EPHB1: variants seen among roughly 807,000 people sequenced by gnomAD.
EPHB1 encodes the protein ephrin type-B receptor 1.
EPHB1 carries 30 observed loss-of-function variants against 94.4 expected under a neutral mutation model. That is an observed-to-expected ratio of 0.32 (90% CI 0.24 to 0.43). The LOEUF (loss-of-function observed/expected upper bound fraction) is 0.43, where lower values mean the gene tolerates loss of function less well. Among genes scored for constraint, EPHB1 ranks in the 20% least tolerant of loss-of-function variants. The pLI is 1.00. For synonymous variants in EPHB1, 522 were observed against 489.1 expected (o/e 1.07, Z -0.89); for missense variants, 1,055 against 1,308.3 (o/e 0.81, Z 2.99).
chr3:134,839,115 A>G (rs1288909110), intron 1 of EPHB1, among the ~76,000 whole-genome samples: 1 of 152,178 alleles, frequency 6.6e-6, no homozygotes, highest in East Asian at 1.9e-4. Flanking sequence ...GACACAAAAT[A>G]TTGTTTCTAT....
chr3:135,224,107 G>T (rs1464314334), intron 12 of EPHB1, among the ~76,000 whole-genome samples: 1 of 152,140 alleles, frequency 6.6e-6, no homozygotes, highest in East Asian at 1.9e-4. Flanking sequence ...ATTCTTCATA[G>T]TACCATGCTA....
intron 1 of EPHB1, among the ~76,000 whole-genome samples, chr3:134,801,890 G>C (rs1453083972): frequency 6.6e-6 from 1 of 152,172 alleles, no homozygotes; most frequent in Non-Finnish European, 1.5e-5. Context: ...TCATTCCCCT[G>C]GGGGTTAGAA....
chr3:134,815,952 G>A (rs2036260302), intron 1 of EPHB1, among the ~76,000 whole-genome samples: 1 of 128,136 alleles, frequency 7.8e-6, no homozygotes, highest in Non-Finnish European at 1.7e-5. Flanking sequence ...GTTTTTTGGG[G>A]GGCATGGAAA....
intron 3 of EPHB1, among the ~76,000 whole-genome samples, chr3:135,002,294 G>A (rs1935213131): frequency 6.6e-6 from 1 of 152,224 alleles, no homozygotes. Context: ...TCCCAGGGAT[G>A]AAGCCCACTT....
intron 1 of EPHB1, among the ~76,000 whole-genome samples, chr3:134,798,480 T>TC (rs2035873586): frequency 1.3e-5 from 2 of 152,022 alleles, no homozygotes; most frequent in African/African-American, 2.4e-5. Context: ...TTCCCTCCTT[T>TC]CCCCCCACAC....
At chr3:135,039,390 AGGTG>A (rs1270634936) in intron 3 of EPHB1, among the ~76,000 whole-genome samples, 1 of 152,244 alleles carries the variant, frequency 6.6e-6, no homozygotes, top group Admixed American at 6.5e-5. Flanking sequence ...CTGGGGCTGC[AGGTG>A]GAGCTGCCTG....
At chr3:135,160,996 T>G (rs1941489403) in intron 6 of EPHB1, among the ~76,000 whole-genome samples, 1 of 151,882 alleles carries the variant, frequency 6.6e-6, no homozygotes, top group Admixed American at 6.6e-5. Context: ...TATTTAAGAG[T>G]TTTGCCTTTG....
intron 1 of EPHB1, among the ~76,000 whole-genome samples, chr3:134,847,494 C>G (rs2036897276): frequency 6.6e-6 from 1 of 152,234 alleles, no homozygotes; most frequent in Non-Finnish European, 1.5e-5. Context: ...AACCAAAGTC[C>G]TCTGTGGGAG....
chr3:134,850,574 G>A (rs1485171634), intron 1 of EPHB1, among the ~76,000 whole-genome samples: 1 of 152,256 alleles, frequency 6.6e-6, no homozygotes, highest in African/African-American at 2.4e-5. Flanking sequence ...GGATGGGGAA[G>A]TGTGGGGCAG....
chr3:134,809,556 C>T (rs1440051946), intron 1 of EPHB1, among the ~76,000 whole-genome samples: 1 of 152,168 alleles, frequency 6.6e-6, no homozygotes, highest in African/African-American at 2.4e-5. Flanking sequence ...ATTTGCATTT[C>T]AATGGTTCCT....
At chr3:135,164,495 C>T (rs1302094307) in intron 7 of EPHB1, among the ~76,000 whole-genome samples, 1 of 152,146 alleles carries the variant, frequency 6.6e-6, no homozygotes, top group Non-Finnish European at 1.5e-5. Flanking sequence ...ATTCTGATAG[C>T]TCATGGGAAA....
chr3:135,250,617 G>A (rs1349927878), intron 15 of EPHB1, among the ~76,000 whole-genome samples: 1 of 152,056 alleles, frequency 6.6e-6, no homozygotes, highest in East Asian at 1.9e-4. Context: ...GGGAACCACT[G>A]GATTAAGGTT....
intron 10 of EPHB1, among the ~76,000 whole-genome samples, chr3:135,192,335 T>TAAAACAAACTCACATATA (rs1553746551): frequency 6.6e-6 from 1 of 152,014 alleles, no homozygotes; most frequent in African/African-American, 2.4e-5. Flanking sequence ...AAATTCCACT[T>TAAAACAAACTCACATATA]TAGTTACCCA....
intron 9 of EPHB1, among the ~76,000 whole-genome samples, chr3:135,170,321 A>T (rs1941768921): frequency 6.6e-6 from 1 of 152,242 alleles, no homozygotes; most frequent in Non-Finnish European, 1.5e-5. Context: ...ATCTGATAAC[A>T]TAATGTGGCT....
At chr3:134,973,508 T>A (rs1934064894) in intron 3 of EPHB1, among the ~76,000 whole-genome samples, 1 of 143,676 alleles carries the variant, frequency 7.0e-6, no homozygotes, top group African/African-American at 2.6e-5. Flanking sequence ...CTTGGCTCAC[T>A]GCAACCTCCA....
At chr3:134,905,359 A>G (rs1055662899) in intron 1 of EPHB1, among the ~76,000 whole-genome samples, 7 of 152,074 alleles carry the variant, frequency 4.6e-5, no homozygotes, top group Non-Finnish European at 8.8e-5. Context: ...GAGTGTGCGC[A>G]CTGCAGCCAC....
intron 1 of EPHB1, among the ~76,000 whole-genome samples, chr3:134,883,152 G>A (rs889215306): frequency 6.6e-6 from 1 of 152,142 alleles, no homozygotes; most frequent in Admixed American, 6.5e-5. Context: ...GATTGAATGG[G>A]AATATGAAAG....
chr3:135,198,329 G>C (rs377203986), intron 11 of EPHB1, among the ~76,000 whole-genome samples: 1 of 152,194 alleles, frequency 6.6e-6, no homozygotes, highest in East Asian at 1.9e-4. Context: ...TATCTTGTCT[G>C]TGAAAACAAT....
chr3:134,796,063 G>A (rs576410948), intron 1 of EPHB1: 5 of 306,348 alleles, frequency 1.6e-5, no homozygotes, highest in African/African-American at 1.1e-4. Context: ...GGGTGCCTCT[G>A]GCCATCCGGC....
Sources: gnomAD v4.1 joint callset for allele counts (sites outside exome capture counted in the v4.1 genomes callset) on GRCh38, gnomAD v4.1.1 for gene constraint, MANE v1.5 for transcripts, NCBI Gene and HGNC (gene_info 2026-07-23, HGNC 2026-07-21) for gene names.